The following CLEC4A variants were observed in gnomAD, a reference collection of about 807,000 sequenced individuals.
CLEC4A encodes C-type lectin domain family 4 member A.
CLEC4A carries 27 observed loss-of-function variants against 32.7 expected under a neutral mutation model. The observed-to-expected ratio is 0.83, with a 90% CI of 0.61 to 1.14. The LOEUF (loss-of-function observed/expected upper bound fraction) is 1.14, where lower values mean the gene tolerates loss of function less well. Among genes scored for constraint, CLEC4A ranks in the 50% most tolerant of loss-of-function variants. CLEC4A has a pLI of 0.00. For missense variants in CLEC4A, 253 were observed against 274.6 expected (o/e 0.92, Z 0.55); for synonymous variants, 89 against 93.7 (o/e 0.95, Z 0.29).
chr12:8,136,774 T>C lies in CLEC4A; in HGVS notation c.451-14T>C, dbSNP rs762861802. The C allele has an allele frequency of 1.3e-6, 2 of 1,540,082 alleles. No individual in the cohort carries two copies. The highest frequency in any genetic ancestry group is 1.1e-5 in the South Asian group (1 of 89,658). ...ATACTGTAAAGGCTGTGACTCCTTCTTTTCCCCCCTCAGGATTTCATCTTC... is the reference window on the plus strand; with the variant it reads ...ATACTGTAAAGGCTGTGACTCCTTCCTTTCCCCCCTCAGGATTTCATCTTC... On this transcript the variant is annotated splice_polypyrimidine_tract_variant and intron_variant, in intron 4 of 5. Coordinates refer to ENST00000229332, the MANE Select transcript of CLEC4A (RefSeq NM_016184.4).
At chr12:8,136,522 C>T (rs1229902297) in intron 4 of CLEC4A, among the ~76,000 whole-genome samples, 1 of 147,882 alleles carries the variant, frequency 6.8e-6, no homozygotes, top group Non-Finnish European at 1.5e-5. Context: ...CAAGATTGCA[C>T]CACTGCACTC....
chr12:8,134,978 TGTTTTTTG>T (rs1172618955), intron 3 of CLEC4A: 7,588 of 305,992 alleles, frequency 0.025, 1,859 homozygotes, highest in Non-Finnish European at 0.033. Context: ...GAAGCGTTTT[TGTTTTTTG>T]TTTTTTTTTA....
At chr12:8,104,449 G>T in the CLEC4A span, among the ~76,000 whole-genome samples, 1 of 152,138 alleles carries the variant, frequency 6.6e-6, no homozygotes, top group African/African-American at 2.4e-5. Context: ...CTGTGCATAC[G>T]AAAGCCTACG....
In CLEC4A at chr12:8,123,719, AC is replaced by A; in HGVS notation, c.-156del. 5.0e-6 allele frequency: 3 copies of A among 595,688 alleles called. No homozygotes were observed. The highest frequency in any genetic ancestry group is 9.0e-6 in the Non-Finnish European group (3 of 335,100). 36.9% of individuals were successfully genotyped at this position (595,688 alleles called of 1,614,324 possible). ...TATTGTGGTTCTTAGTTCTCATGAG[AC>A]CCCTCTTGAGGATATGTGCCTATCT... On this transcript the variant is annotated 5_prime_UTR_variant, in exon 1 of 6. An upstream open reading frame in the 5' UTR gains an earlier in-frame stop. Transcript: ENST00000229332.
chr12:8,132,914 T>TG (rs1948024399), intron 3 of CLEC4A, among the ~76,000 whole-genome samples: 2 of 151,968 alleles, frequency 1.3e-5, no homozygotes, highest in Non-Finnish European at 2.9e-5. Context: ...GTTTTTGTTT[T>TG]TTTTTTGTTT....
chr12:8,115,721 GA>G, the CLEC4A span, among the ~76,000 whole-genome samples: 22 of 152,188 alleles, frequency 1.4e-4, no homozygotes, highest in African/African-American at 4.6e-4. Flanking sequence ...ATTTGATGAT[GA>G]TTTTTTTGCT....
chr12:8,136,608 C>T (rs945056238), intron 4 of CLEC4A, among the ~76,000 whole-genome samples, 180 bp from the exon 5 acceptor site: 12 of 151,332 alleles, frequency 7.9e-5, no homozygotes, highest in African/African-American at 2.9e-4. Flanking sequence ...TACTGAACAT[C>T]ATGCTTACAA....
chr12:8,124,559 T>G (rs1947870751), intron 1 of CLEC4A, among the ~76,000 whole-genome samples: 1 of 152,176 alleles, frequency 6.6e-6, no homozygotes, highest in East Asian at 1.9e-4. Context: ...CTGTTACGTT[T>G]GGGAGTAGAT....
chr12:8,135,546 T>C (rs1443160168), intron 3 of CLEC4A, 39 bp from the exon 4 acceptor site: 7 of 1,605,504 alleles, frequency 4.4e-6, no homozygotes, highest in Non-Finnish European at 6.0e-6. Flanking sequence ...TAAGAGTGAT[T>C]ATTTATATTG....
chr12:8,111,766 T>A, the CLEC4A span, among the ~76,000 whole-genome samples: 1 of 152,234 alleles, frequency 6.6e-6, no homozygotes, highest in African/African-American at 2.4e-5. Flanking sequence ...CTGAACATCT[T>A]TTACATATAA....
In CLEC4A at chr12:8,125,564, C is replaced by G. The variant is rs767915121; in HGVS notation, c.86C>G (p.Ser29Cys). The change falls in exon 2 of 6, where the codon TCC becomes TGC. Residue 29 changes from serine to cysteine, a missense_variant. Physicochemically the swap from Ser to Cys is moderately radical, Grantham distance 112. Coordinates refer to ENST00000229332, the MANE Select transcript of CLEC4A (RefSeq NM_016184.4). ...SGINTASSAA[S>C]KERTAPHKSN... ...ACTAATTTGGCTTCTTCTTCAGCTT[C>G]CAAGGAGAGGACTGCCCCTCACAAA... 1.3e-5 allele frequency: 20 copies of G among 1,593,208 alleles called. No homozygotes were observed. Among genetic ancestry groups the G allele is most frequent in the Middle Eastern group, 1.6e-4 (1 of 6,062 alleles).
intron 3 of CLEC4A, among the ~76,000 whole-genome samples, chr12:8,131,814 A>T (rs1287620405): frequency 5.3e-5 from 4 of 75,614 alleles, no homozygotes; most frequent in African/African-American, 1.3e-4. Context: ...ACTCATGGAG[A>T]TATATATATC....
At chr12:8,123,499 G>T (rs1414591162), upstream of CLEC4A, 1 of 170,078 alleles carries the variant, frequency 5.9e-6, no homozygotes, top group Non-Finnish European at 1.3e-5. Context: ...CACAGAAATT[G>T]TATTTTTTAC....
chr12:8,130,495 C>T (rs1947979527), intron 3 of CLEC4A, among the ~76,000 whole-genome samples: 1 of 152,168 alleles, frequency 6.6e-6, no homozygotes, highest in South Asian at 2.1e-4. Flanking sequence ...ACCTCAGCCT[C>T]CCAGTAGCTG....
At chr12:8,126,021 T>A (rs1327104731) in intron 2 of CLEC4A, among the ~76,000 whole-genome samples, 1 of 152,220 alleles carries the variant, frequency 6.6e-6, no homozygotes, top group East Asian at 1.9e-4. Flanking sequence ...ATCAGGCCAG[T>A]CTGATTTGAA....
the CLEC4A span, among the ~76,000 whole-genome samples, chr12:8,110,445 G>A: frequency 6.6e-6 from 1 of 152,082 alleles, no homozygotes; most frequent in African/African-American, 2.4e-5. Flanking sequence ...CAGCCAGACC[G>A]ATCTAATTAT....
chr12:8,129,210 G>A, intron 2 of CLEC4A, 54 bp from the exon 3 acceptor site: 1 of 1,141,876 alleles, frequency 8.8e-7, no homozygotes. Context: ...TAACGATAAA[G>A]AGCAAAGTCA....
chr12:8,125,463 G>A (rs1420196082), intron 1 of CLEC4A, 98 bp from the exon 2 acceptor site: 16 of 716,044 alleles, frequency 2.2e-5, no homozygotes, highest in Admixed American at 2.0e-4. Context: ...GTTAGTAACT[G>A]TGTGTCATCC....
At chr12:8,119,471 G>T (rs964554808), upstream of CLEC4A, among the ~76,000 whole-genome samples, 3 of 152,168 alleles carry the variant, frequency 2.0e-5, no homozygotes, top group Non-Finnish European at 4.4e-5. Context: ...TGATCCACCC[G>T]CCTTGGCCTC....
Sources: allele counts gnomAD v4.1 joint callset (sites outside exome capture counted in the v4.1 genomes callset), GRCh38; gene constraint gnomAD v4.1.1; transcripts MANE v1.5; gene names NCBI Gene and HGNC (gene_info 2026-07-23, HGNC 2026-07-21).